Variants in SLAMF1 observed in about 807,000 individuals in gnomAD.
The protein encoded by SLAMF1 is signaling lymphocytic activation molecule family member 1.
SLAMF1 carries 18 observed loss-of-function variants against 35.1 expected under a neutral mutation model. The ratio of observed to expected loss-of-function variants is 0.51; its 90% CI spans 0.35 to 0.76. The LOEUF (loss-of-function observed/expected upper bound fraction) is 0.76, where lower values mean the gene tolerates loss of function less well. Among genes scored for constraint, SLAMF1 ranks in the 30% least tolerant of loss-of-function variants. The pLI, the probability that SLAMF1 is intolerant of heterozygous loss-of-function variation, is 0.01. For synonymous variants in SLAMF1, 168 were observed against 157.2 expected, an observed-to-expected ratio of 1.07 and a Z score of -0.51; for missense variants, 392 against 413.0, an observed-to-expected ratio of 0.95 and a Z score of 0.44.
intron 3 of SLAMF1, among the ~76,000 whole-genome samples, chr1:160,629,079 T>C (rs1395733496): frequency 2.0e-5 from 3 of 152,054 alleles, no homozygotes; most frequent in African/African-American, 7.2e-5. Flanking sequence ...GGTTTGGAAC[T>C]CCCCCTACTC....
intron 5 of SLAMF1, among the ~76,000 whole-genome samples, chr1:160,614,175 T>C (rs918630179): frequency 7.2e-5 from 11 of 152,212 alleles, no homozygotes; most frequent in Non-Finnish European, 1.0e-4. Context: ...TTCAGATAGA[T>C]GGCTTTCAAG....
At chr1:160,639,566 T>C (rs1660634565) in intron 1 of SLAMF1, among the ~76,000 whole-genome samples, 1 of 152,202 alleles carries the variant, frequency 6.6e-6, no homozygotes, top group Non-Finnish European at 1.5e-5. Context: ...CTCCTGGCTC[T>C]GACTTCAAAA....
intron 3 of SLAMF1, among the ~76,000 whole-genome samples, chr1:160,627,006 G>A (rs1211327970): frequency 6.6e-6 from 1 of 152,172 alleles, no homozygotes; most frequent in East Asian, 1.9e-4. Context: ...TGTGGTTTAT[G>A]TCATGTATCT....
intron 5 of SLAMF1, among the ~76,000 whole-genome samples, chr1:160,618,403 AGTGTGTGTGTGT>A (rs149042392): frequency 6.7e-6 from 1 of 149,640 alleles, no homozygotes; most frequent in African/African-American, 2.5e-5. Context: ...TGTGAGAGTG[AGTGTGTGTGTGT>A]GTGTGTGTAA....
intron 3 of SLAMF1, among the ~76,000 whole-genome samples, chr1:160,627,534 C>T (rs1659944247): frequency 6.6e-6 from 1 of 152,192 alleles, no homozygotes; most frequent in African/African-American, 2.4e-5. Context: ...GTTTCCCTAC[C>T]TGTATAGTAG....
chr1:160,632,710 G>A (rs1660226285), intron 3 of SLAMF1, among the ~76,000 whole-genome samples: 1 of 152,136 alleles, frequency 6.6e-6, no homozygotes, highest in African/African-American at 2.4e-5. Flanking sequence ...TACCCAGAGA[G>A]GGCTGTGCTG....
intron 5 of SLAMF1, 131 bp from the exon 6 acceptor site, chr1:160,612,711 CCTT>C (rs1314102153): frequency 1.7e-6 from 1 of 597,614 alleles, no homozygotes. Context: ...GGTCCAACCT[CCTT>C]CTCAGGTGGG....
intron 1 of SLAMF1, among the ~76,000 whole-genome samples, chr1:160,643,255 C>G (rs1010876122): frequency 1.3e-5 from 2 of 152,136 alleles, no homozygotes; most frequent in African/African-American, 4.8e-5. Flanking sequence ...CCAGATAGTC[C>G]GTTACATGTC....
chr1:160,631,011 G>C (rs145401694), intron 3 of SLAMF1, among the ~76,000 whole-genome samples: 1 of 151,152 alleles, frequency 6.6e-6, no homozygotes, highest in Non-Finnish European at 1.5e-5. Context: ...TTTTACATCC[G>C]TCACACTGTC....
chr1:160,624,330 C>T, intron 3 of SLAMF1, 145 bp from the exon 4 acceptor site: 1 of 645,334 alleles, frequency 1.5e-6, no homozygotes, highest in Non-Finnish European at 2.7e-6. Flanking sequence ...TTTTAGAGGT[C>T]AGCTTTAGAC....
rs1192916219 is a variant in SLAMF1 at position 160,642,054 on chromosome 1, C to T, written c.77-4525G>A. On this transcript the variant is annotated intron_variant, in intron 1 of 6. Transcript: ENST00000302035. This position sits in a 1 kb window ranked among gnomAD's most constrained non-coding sequence, Gnocchi z 4.2. ...TTGTATTATATTTTTTTGCCTAGCC[C>T]TGACACTTTCATATGTGCTTTTAGC... 6.6e-6 allele frequency among the ~76,000 whole-genome samples: 1 copy of T among 152,070 alleles called. No individual in the cohort carries two copies. Among genetic ancestry groups the T allele is most frequent in the African/African-American group, 2.4e-5 (1 of 41,392 alleles).
chr1:160,640,375 C>CAT (rs148077004), intron 1 of SLAMF1, among the ~76,000 whole-genome samples: 19 of 131,046 alleles, frequency 1.4e-4, no homozygotes, highest in East Asian at 4.4e-4. Context: ...CACACACACA[C>CAT]ATATATATAT....
chr1:160,622,551 G>C (rs1659669973), intron 4 of SLAMF1, among the ~76,000 whole-genome samples: 1 of 152,130 alleles, frequency 6.6e-6, no homozygotes, highest in Non-Finnish European at 1.5e-5. Context: ...TACACTAAGA[G>C]ATCTGTCTAT....
intron 5 of SLAMF1, among the ~76,000 whole-genome samples, chr1:160,613,373 C>T (rs1160479992): frequency 1.3e-5 from 2 of 152,184 alleles, no homozygotes; most frequent in Non-Finnish European, 2.9e-5. Context: ...TATTTTTGTA[C>T]TCCCCACAGA....
Position 160,634,875 on chromosome 1 carries a change from A to G in SLAMF1, c.438T>C (p.Ile146=). 1 of 1,612,480 alleles carries G rather than the reference A, an allele frequency of 6.2e-7. No individual in the cohort carries two copies. ...TCTCCTGGGTCTTGTTTAAAACTTTAATTTCTGGAGTGGAGACCTGCTCTG... is the reference window on the plus strand; with the variant it reads ...TCTCCTGGGTCTTGTTTAAAACTTTGATTTCTGGAGTGGAGACCTGCTCTG... ...RLYEQVSTPE[I]KVLNKTQENG... Residue 146 remains isoleucine (I), a synonymous_variant, in exon 3 of 7, where the codon ATT becomes ATC. Coordinates refer to ENST00000302035, the MANE Select transcript of SLAMF1 (RefSeq NM_003037.5).
At chr1:160,619,619 G>A (rs115643434) in intron 5 of SLAMF1, among the ~76,000 whole-genome samples, 157 bp downstream of exon 5, 1,631 of 152,216 alleles carry the variant, frequency 0.011, 12 homozygotes, top group East Asian at 0.026. Context: ...AAACACTGAC[G>A]TTTAGTGACT....
intron 4 of SLAMF1, among the ~76,000 whole-genome samples, chr1:160,621,450 T>C (rs1659605269): frequency 6.7e-6 from 1 of 149,432 alleles, no homozygotes; most frequent in South Asian, 2.1e-4. Flanking sequence ...TTTCAGCTAC[T>C]CAGGAGGCTG....
At chr1:160,626,467 T>C (rs1005353266) in intron 3 of SLAMF1, among the ~76,000 whole-genome samples, 1 of 152,266 alleles carries the variant, frequency 6.6e-6, no homozygotes, top group Non-Finnish European at 1.5e-5. Context: ...AAGTTGGCCA[T>C]GGTCCTGAAA....
chr1:160,623,307 C>T (rs933766307), intron 4 of SLAMF1, among the ~76,000 whole-genome samples: 1 of 152,152 alleles, frequency 6.6e-6, no homozygotes, highest in Non-Finnish European at 1.5e-5. Context: ...TCCTACCTGG[C>T]TAACTCTTAG....
Sources: gnomAD v4.1 joint callset for allele counts (sites outside exome capture counted in the v4.1 genomes callset) on GRCh38, gnomAD v4.1.1 for gene constraint, Gnocchi (gnomAD v3.1) non-coding constraint, MANE v1.5 for transcripts, NCBI Gene and HGNC (gene_info 2026-07-23, HGNC 2026-07-21) for gene names.